The following TNRC6B variants were observed in gnomAD, a reference collection of about 807,000 sequenced individuals.
The protein encoded by TNRC6B is trinucleotide repeat-containing gene 6B protein.
TNRC6B carries 52 observed loss-of-function variants against 203.6 expected under a neutral mutation model. The observed-to-expected ratio is 0.26, with a 90% CI of 0.20 to 0.32. The LOEUF is 0.32. Ranked by LOEUF, TNRC6B falls within the 10% of genes least tolerant of loss-of-function variation. The probability of loss-of-function intolerance (pLI) is 1.00; values close to 1 mark genes in which losing one functional copy is unlikely to be tolerated. For missense variants in TNRC6B, 1,923 were observed against 2,286.2 expected, an observed-to-expected ratio of 0.84 and a Z score of 3.24; for synonymous variants, 838 against 845.7, an observed-to-expected ratio of 0.99 and a Z score of 0.16.
At chr22:40,271,899 G>A (rs2070568448) in intron 6 of TNRC6B, among the ~76,000 whole-genome samples, 1 of 152,142 alleles carries the variant, frequency 6.6e-6, no homozygotes, top group East Asian at 1.9e-4. Flanking sequence ...ATCTTCTGTA[G>A]CCTGTCTTAA....
At chr22:40,169,030 G>T (rs2068945775) in intron 4 of TNRC6B, among the ~76,000 whole-genome samples, 2 of 151,982 alleles carry the variant, frequency 1.3e-5, no homozygotes, top group African/African-American at 4.8e-5. Flanking sequence ...ATGCCCCTGG[G>T]CCTAGTCCTA....
chr22:40,323,197 T>A lies in TNRC6B; in HGVS notation c.5458T>A (p.Leu1820Ile). ...CCATAGGATGGGCAGCCCTGCTCCTTTACTACCTGGTGACCTTCTGGGAGG... is the reference window on the plus strand; with the variant it reads ...CCATAGGATGGGCAGCCCTGCTCCTATACTACCTGGTGACCTTCTGGGAGG... ...DPHRMGSPAP[L>I]LPGDLLGGGS... is the part of the protein sequence containing the mutation. Residue 1820 changes from leucine (L) to isoleucine (I), a missense_variant, in exon 23 of 23, where the codon TTA (leucine) becomes ATA (isoleucine). By Grantham distance (5) the Leu-to-Ile change is conservative. Transcript: ENST00000454349. The A allele has an allele frequency of 6.2e-7, 1 of 1,613,480 alleles. No homozygotes were observed. The highest frequency in any genetic ancestry group is 8.5e-7 in the Non-Finnish European group (1 of 1,179,866).
At chr22:40,304,425 G>A (rs1044326352) in intron 15 of TNRC6B, among the ~76,000 whole-genome samples, 3 of 152,134 alleles carry the variant, frequency 2.0e-5, no homozygotes. Flanking sequence ...CAGAGAGAAA[G>A]AATACCTAAT....
At chr22:40,283,742 T>C (rs1274943514) in intron 11 of TNRC6B, among the ~76,000 whole-genome samples, 1 of 151,864 alleles carries the variant, frequency 6.6e-6, no homozygotes, top group African/African-American at 2.4e-5. Flanking sequence ...TGGGGGAGGG[T>C]GGAAATTGTC....
chr22:40,173,928 C>T (rs2069031068), upstream of TNRC6B, among the ~76,000 whole-genome samples: 1 of 148,644 alleles, frequency 6.7e-6, no homozygotes, highest in Admixed American at 6.7e-5. Flanking sequence ...CTTAGCCTCC[C>T]AAGTAGCTGG....
intron 2 of TNRC6B, among the ~76,000 whole-genome samples, chr22:40,119,293 A>G (rs550346655): frequency 1.3e-5 from 2 of 152,352 alleles, no homozygotes; most frequent in African/African-American, 4.8e-5. Flanking sequence ...GAAATTAAAC[A>G]CTTGTGTCGG....
At chr22:40,052,859 G>A (rs976635318) in intron 1 of TNRC6B, among the ~76,000 whole-genome samples, 1 of 152,160 alleles carries the variant, frequency 6.6e-6, no homozygotes, top group Non-Finnish European at 1.5e-5. Context: ...AGTAGGCAGT[G>A]TGTAAATGTT....
chr22:40,221,536 C>T (rs573165720), intron 1 of TNRC6B, among the ~76,000 whole-genome samples: 2 of 152,190 alleles, frequency 1.3e-5, no homozygotes, highest in African/African-American at 4.8e-5. Flanking sequence ...ACCTCCCTGG[C>T]TCAAGTGGTC....
In TNRC6B at chr22:40,281,263, A is replaced by G; in HGVS notation, c.3556A>G (p.Asn1186Asp). Residue 1186 changes from asparagine to aspartate, a missense_variant, in exon 11 of 23, where the codon AAC (asparagine) becomes GAC (aspartate). Coordinates refer to ENST00000454349, the MANE Select transcript of TNRC6B (RefSeq NM_001162501.2). ...VSLGAIGTGL[N>D]PQNFAARQGG... ...CCTTGGAGCAATCGGCACAGGGCTC[A>G]ACCCCCAAAACTTCGCTGCTAGACA... is the stretch of plus-strand genomic sequence containing the variant. 6.5e-7 allele frequency: 1 copy of G among 1,546,464 alleles called. No individual in the cohort carries two copies. Among genetic ancestry groups the G allele is most frequent in the Non-Finnish European group, 8.7e-7 (1 of 1,144,774 alleles).
chr22:40,136,046 A>T (rs1000382716), intron 3 of TNRC6B, among the ~76,000 whole-genome samples: 1 of 152,218 alleles, frequency 6.6e-6, no homozygotes, highest in African/African-American at 2.4e-5. Flanking sequence ...AGTAGATCCC[A>T]TAGAAGGTCA....
Position 40,281,177 on chromosome 22 carries a change from C to A in TNRC6B, c.3470C>A (p.Pro1157His). ...CTTGGGGATGAGGCTCCCTGCTCTC[C>A]CTTCTCCCCTTCTCCCAGCTACAAG... ...GCLGDEAPCS[P>H]FSPSPSYKLS... The change falls in exon 11 of 23, where the codon CCC becomes CAC. Residue 1157 changes from proline to histidine, a missense_variant. Transcript: ENST00000454349. 6.4e-7 allele frequency: 1 copy of A among 1,551,486 alleles called. No homozygotes were observed. Among genetic ancestry groups the A allele is most frequent in the Non-Finnish European group, 8.7e-7 (1 of 1,146,880 alleles).
chr22:40,107,788 AC>A (rs1424143483), intron 1 of TNRC6B, among the ~76,000 whole-genome samples: 1 of 151,736 alleles, frequency 6.6e-6, no homozygotes, highest in Non-Finnish European at 1.5e-5. Context: ...GGCAGTGGCT[AC>A]CCCCCTTTCT....
chr22:40,089,289 T>C (rs191618310), intron 1 of TNRC6B, among the ~76,000 whole-genome samples: 11 of 152,130 alleles, frequency 7.2e-5, no homozygotes, highest in Admixed American at 7.2e-4. Flanking sequence ...CTGGAGCGCA[T>C]TGGTGTGATC....
chr22:40,216,820 T>C (rs148101894), intron 1 of TNRC6B, among the ~76,000 whole-genome samples: 2 of 152,304 alleles, frequency 1.3e-5, no homozygotes, highest in East Asian at 3.9e-4. Flanking sequence ...AAAGATAATA[T>C]TGAAAACGTA....
intron 21 of TNRC6B, among the ~76,000 whole-genome samples, chr22:40,317,924 C>A (rs2146573775): frequency 6.6e-6 from 1 of 152,282 alleles, no homozygotes; most frequent in Middle Eastern, 3.4e-3. Context: ...TGGATTCATG[C>A]ACACTTTATT....
At chr22:40,222,281 C>A (rs1396119078) in intron 1 of TNRC6B, among the ~76,000 whole-genome samples, 6 of 152,162 alleles carry the variant, frequency 3.9e-5, no homozygotes, top group Admixed American at 2.0e-4. Context: ...TACCGCTCTA[C>A]AGAATGCTGA....
chr22:40,115,347 A>G (rs2146316302), intron 1 of TNRC6B, among the ~76,000 whole-genome samples: 1 of 152,356 alleles, frequency 6.6e-6, no homozygotes, highest in African/African-American at 2.4e-5. Context: ...GCGGTTGACA[A>G]AAAATTAATG....
chr22:40,159,532 G>A (rs1300780018), intron 4 of TNRC6B, among the ~76,000 whole-genome samples: 4 of 151,604 alleles, frequency 2.6e-5, no homozygotes, highest in African/African-American at 4.8e-5. Context: ...CCAGCAACTC[G>A]GGAGGCTGAG....
chr22:40,257,990 G>C (rs1007892071), intron 3 of TNRC6B, among the ~76,000 whole-genome samples: 3 of 150,274 alleles, frequency 2.0e-5, no homozygotes, highest in Non-Finnish European at 4.4e-5. Context: ...CTCTAGCCTG[G>C]GCAACAGAGC....
Sources: gnomAD v4.1 joint callset for allele counts (sites outside exome capture counted in the v4.1 genomes callset) on GRCh38, gnomAD v4.1.1 for gene constraint, MANE v1.5 for transcripts, NCBI Gene and HGNC (gene_info 2026-07-23, HGNC 2026-07-21) for gene names.